ADGRB1: variants seen among roughly 807,000 people sequenced by gnomAD.
ADGRB1 encodes brain-specific angiogenesis inhibitor 1.
ADGRB1 carries 36 observed loss-of-function variants against 175.7 expected under a neutral mutation model. That is an observed-to-expected ratio of 0.20 (90% CI 0.16 to 0.27). ADGRB1 has a LOEUF of 0.27. Among genes scored for constraint, ADGRB1 ranks in the 10% least tolerant of loss-of-function variants. The pLI, the probability that ADGRB1 is intolerant of heterozygous loss-of-function variation, is 1.00. For missense variants in ADGRB1, 1,731 were observed against 2,255.3 expected (o/e 0.77, Z 4.71); for synonymous variants, 1,054 against 979.4 (o/e 1.08, Z -1.42).
chr8:142,523,583 GC>G (rs1480964413), intron 22 of ADGRB1, among the ~76,000 whole-genome samples: 1 of 152,074 alleles, frequency 6.6e-6, no homozygotes, highest in Admixed American at 6.5e-5. Flanking sequence ...TACCTGGCCT[GC>G]CGAAGTCAGG....
Position 142,487,492 on chromosome 8 carries a change from C to T in ADGRB1, c.2309-872C>T, listed in dbSNP as rs533664687. ...AAACCCTGTTCTCGGGCATCCGTGC[C>T]GCCCACTGCATTTGGCGCTACTGAT... On this transcript the variant is annotated intron_variant, in intron 13 of 30. Transcript: ENST00000517894. Among the ~76,000 whole-genome samples, 288 of 152,316 alleles carry T rather than the reference C, an allele frequency of 1.9e-3. 2 individuals are homozygous for T. In the Middle Eastern group the frequency reaches 0.031, roughly 16 times the overall value.
Position 142,524,235 on chromosome 8 carries a change from C to A in ADGRB1, c.3246-3C>A. The A allele has an allele frequency of 1.3e-6, 2 of 1,599,022 alleles. No homozygotes were observed. The highest frequency in any genetic ancestry group is 1.1e-5 in the South Asian group (1 of 90,090). On this transcript the variant is annotated splice_polypyrimidine_tract_variant and splice_region_variant and intron_variant, in intron 22 of 30. Transcript: ENST00000517894. ...CGGTGCTGATGGCCTGTCTCCTCCC[C>A]AGCTGCTGGCTCTCCCTGGAGGGGG...
Position 142,544,337 on chromosome 8 carries a change from C to G in ADGRB1, c.4675C>G (p.Arg1559Gly). 1 of 1,547,908 alleles carries G rather than the reference C, an allele frequency of 6.5e-7. No individual in the cohort carries two copies. Among genetic ancestry groups the G allele is most frequent in the Non-Finnish European group, 8.7e-7 (1 of 1,145,896 alleles). The stretch of plus-strand genomic sequence containing the variant: ...GCTGCAGCCGTCGCCGCTGGAGCTT[C>G]GCAGCGTGGAGTGGGAGAGGTCGGG... ...EPLQPSPLELRSVEWERSGAT... is the reference protein window; with the variant it reads ...EPLQPSPLELGSVEWERSGAT... Residue 1559 changes from arginine (R) to glycine (G), a missense_variant, in exon 31 of 31, where the codon CGC (arginine) becomes GGC (glycine). This residue lies in a region of ADGRB1 where 394 missense variants were observed against 410.2 expected (regional missense o/e 0.96). Transcript: ENST00000517894.
At chr8:142,496,292 C>A (rs1166395157) in intron 17 of ADGRB1, among the ~76,000 whole-genome samples, 1 of 141,268 alleles carries the variant, frequency 7.1e-6, no homozygotes, top group East Asian at 2.1e-4. Flanking sequence ...GTGTGGGTGG[C>A]TGGATGTGCA....
rs752254011 is a variant in ADGRB1, at chr8:142,477,461, G to T, written c.1299G>T (p.Thr433=). 6.2e-7 allele frequency: 1 copy of T among 1,612,796 alleles called. No individual in the cohort carries two copies. The highest frequency in any genetic ancestry group is 1.7e-5 in the Admixed American group (1 of 60,020). Reference sequence around the variant, plus strand: ...GTGGCCGTGGCTTTCGGGATCGCACGCGCACCTGCAGGCCCCCCCAGTTTG... The same window carrying T: ...GTGGCCGTGGCTTTCGGGATCGCACTCGCACCTGCAGGCCCCCCCAGTTTG... ...STCGRGFRDR[T]RTCRPPQFGG... Residue 433 remains threonine, a synonymous_variant, in exon 6 of 31, where the codon ACG becomes ACT. Coordinates refer to ENST00000517894, the MANE Select transcript of ADGRB1 (RefSeq NM_001702.3).
intron 21 of ADGRB1, 74 bp downstream of exon 21, chr8:142,522,189 C>T: frequency 1.3e-6 from 2 of 1,550,656 alleles, no homozygotes; most frequent in South Asian, 2.4e-5. Context: ...CCTGGCAGCC[C>T]CTCCTCTCCC....
chr8:142,541,827 T>C (rs1401497278), intron 27 of ADGRB1, 114 bp from the exon 28 acceptor site: 1 of 1,143,448 alleles, frequency 8.7e-7, no homozygotes, highest in Admixed American at 2.6e-5. Context: ...GGCCAGGGTC[T>C]CCCAGGAGGT....
chr8:142,514,319 C>T (rs1285229463), intron 18 of ADGRB1, among the ~76,000 whole-genome samples: 6 of 151,956 alleles, frequency 3.9e-5, no homozygotes, highest in Non-Finnish European at 7.4e-5. Context: ...CACGAGTCCT[C>T]CTCTAGAGCT....
chr8:142,529,240 G>C (rs926275183), intron 24 of ADGRB1, among the ~76,000 whole-genome samples: 5 of 152,176 alleles, frequency 3.3e-5, no homozygotes, highest in African/African-American at 9.7e-5. Context: ...GGGGGTGTGT[G>C]GGTATGCATG....
chr8:142,523,958 T>C (rs554820203), intron 22 of ADGRB1, among the ~76,000 whole-genome samples: 265 of 152,210 alleles, frequency 1.7e-3, no homozygotes, highest in Non-Finnish European at 3.0e-3. Flanking sequence ...GCCTTGGCCC[T>C]GCCAGCCTGG....
At chr8:142,538,571 A>G (rs1845072823) in intron 26 of ADGRB1, among the ~76,000 whole-genome samples, 1 of 152,204 alleles carries the variant, frequency 6.6e-6, no homozygotes, top group Non-Finnish European at 1.5e-5. Context: ...TTTGCAGGGA[A>G]GAAACCTCCA....
intron 17 of ADGRB1, among the ~76,000 whole-genome samples, chr8:142,498,612 G>C (rs370004322): frequency 2.6e-5 from 4 of 152,004 alleles, no homozygotes; most frequent in East Asian, 3.9e-4. Flanking sequence ...CAGGAGATGA[G>C]GGACCACTAT....
In ADGRB1 at chr8:142,543,215, G is replaced by A. The variant is rs976753810; in HGVS notation, c.4414-188G>A. Reference sequence around the variant, plus strand: ...CCCCAGCCCAGCCTTGGTGCTGCTCGCTGGCACCCAGCGCATAGCTGGAGG... The same window carrying A: ...CCCCAGCCCAGCCTTGGTGCTGCTCACTGGCACCCAGCGCATAGCTGGAGG... On this transcript the variant is annotated intron_variant, in intron 28 of 30. Transcript: ENST00000517894. The surrounding 1 kb of genome is among the most constrained non-coding windows in gnomAD (Gnocchi z 4.4). Among the ~76,000 whole-genome samples the A allele has an allele frequency of 1.3e-5, 2 of 152,160 alleles. No individual in the cohort carries two copies. The highest frequency in any genetic ancestry group is 2.4e-5 in the African/African-American group (1 of 41,450).
intron 18 of ADGRB1, among the ~76,000 whole-genome samples, chr8:142,514,215 C>G (rs1843279031): frequency 6.6e-6 from 1 of 151,906 alleles, no homozygotes; most frequent in South Asian, 2.1e-4. Context: ...AGGACAGGGG[C>G]CTGAGATGGT....
intron 17 of ADGRB1, among the ~76,000 whole-genome samples, chr8:142,509,845 G>T (rs1475220516): frequency 1.3e-5 from 2 of 152,204 alleles, no homozygotes; most frequent in African/African-American, 4.8e-5. Flanking sequence ...TTTTCAGGAG[G>T]CCTGGAGTCC....
At chr8:142,534,892 C>T (rs1485761089) in intron 25 of ADGRB1, among the ~76,000 whole-genome samples, 1 of 152,214 alleles carries the variant, frequency 6.6e-6, no homozygotes, top group East Asian at 1.9e-4. Context: ...AAGCAGGTGC[C>T]ACCTGCTCCG....
chr8:142,539,561 T>A (rs1214894319), intron 27 of ADGRB1, 148 bp downstream of exon 27: 39 of 999,540 alleles, frequency 3.9e-5, no homozygotes, highest in Non-Finnish European at 5.8e-5. Context: ...CAGGCCCACC[T>A]GGACCCAGGG....
In ADGRB1 at chr8:142,511,537, T is replaced by C. The variant is rs896470681; in HGVS notation, c.2817+464T>C. On this transcript the variant is annotated intron_variant, in intron 18 of 30. Transcript: ENST00000517894. The surrounding 1 kb of genome is among the most constrained non-coding windows in gnomAD (Gnocchi z 4.5). ...TCGACCCACCCCAAGTAGAGCCTGG[T>C]CCGTGGAGGAGGAGGTGGCGGTGGC... Among the ~76,000 whole-genome samples, 1 of 152,146 alleles carries C rather than the reference T, an allele frequency of 6.6e-6. No individual in the cohort carries two copies. Among genetic ancestry groups the C allele is most frequent in the Admixed American group, 6.5e-5 (1 of 15,290 alleles).
intron 25 of ADGRB1, 92 bp from the exon 26 acceptor site, chr8:142,536,895 C>A: frequency 8.9e-7 from 1 of 1,129,204 alleles, no homozygotes; most frequent in Non-Finnish European, 1.2e-6. Flanking sequence ...CCCCGAGACG[C>A]CCGCCCCCCC....
Sources: allele counts gnomAD v4.1 joint callset (sites outside exome capture counted in the v4.1 genomes callset), GRCh38; gene constraint gnomAD v4.1.1; regional missense constraint gnomAD v4.1.1; non-coding constraint Gnocchi (gnomAD v3.1); transcripts MANE v1.5; gene names NCBI Gene and HGNC (gene_info 2026-07-23, HGNC 2026-07-21).